Variants in NCAM2 observed in about 807,000 individuals in gnomAD.
NCAM2 encodes N-CAM-2.
Under a neutral mutation model 98.1 loss-of-function variants are expected in NCAM2, and 30 were observed. The ratio of observed to expected loss-of-function variants is 0.31; its 90% confidence interval spans 0.23 to 0.41. The LOEUF (loss-of-function observed/expected upper bound fraction) is 0.41. Among genes scored for constraint, NCAM2 ranks in the 10% least tolerant of loss-of-function variants. The pLI, the probability that NCAM2 is intolerant of heterozygous loss-of-function variation, is 1.00. For missense variants in NCAM2, 867 were observed against 1,005.8 expected, an observed-to-expected ratio of 0.86 and a Z score of 1.87; for synonymous variants, 368 against 342.4, an observed-to-expected ratio of 1.07 and a Z score of -0.83.
intron 1 of NCAM2, among the ~76,000 whole-genome samples, chr21:21,000,375 T>A (rs765690758): frequency 3.9e-5 from 6 of 152,182 alleles, no homozygotes; most frequent in Non-Finnish European, 7.3e-5. Context: ...AAGAAAAATG[T>A]CTCAGTTGTG....
chr21:21,541,832 GCTCATA>G lies in NCAM2; in HGVS notation c.*3882_*3887del, dbSNP rs1278118711. Reference sequence around the variant, plus strand: ...TAAATCCCCCATGAAGTTTTTTCATGCTCATACTCATAATCATTATCACATAATGTG... The same window carrying G: ...TAAATCCCCCATGAAGTTTTTTCATGCTCATAATCATTATCACATAATGTG... On this transcript the variant is annotated 3_prime_UTR_variant, in exon 18 of 18. Coordinates refer to ENST00000400546, the MANE Select transcript of NCAM2 (RefSeq NM_004540.5). 1 of 151,608 alleles carries G rather than the reference GCTCATA, an allele frequency of 6.6e-6. No individual in the cohort carries two copies. Among genetic ancestry groups the G allele is most frequent in the Non-Finnish European group, 1.5e-5 (1 of 67,734 alleles). The allele number at this position is 151,608 out of a possible 1,614,324, so 9.4% of individuals were successfully genotyped here. A position where few individuals can be genotyped will look rare whatever the true frequency, so the allele number is the denominator to read the frequency against.
rs34541675 is a variant in NCAM2 at position 21,135,079 on chromosome 21, C to CAA, written c.55+136477_55+136478dup. Among the ~76,000 whole-genome samples the CAA allele has an allele frequency of 2.4e-3, 340 of 139,560 alleles. 2 individuals carry two copies. Among genetic ancestry groups the CAA allele is most frequent in the African/African-American group, 8.3e-3 (320 of 38,662 alleles). The allele number at this position is 139,560 out of a possible 152,430, so 91.6% of individuals were successfully genotyped here. On this transcript the variant is annotated intron_variant, in intron 1 of 17. Coordinates refer to ENST00000400546, the MANE Select transcript of NCAM2 (RefSeq NM_004540.5). Reference sequence around the variant, plus strand: ...TGAAACCCCGTCTCTACTAAAAATACAAAAAAAAAAAAAAAAATTAGCTGG... The same window carrying CAA: ...TGAAACCCCGTCTCTACTAAAAATACAAAAAAAAAAAAAAAAAAATTAGCTGG...
chr21:21,082,253 C>A (rs1239043521), intron 1 of NCAM2, among the ~76,000 whole-genome samples: 2 of 122,468 alleles, frequency 1.6e-5, no homozygotes, highest in Non-Finnish European at 1.6e-5. Flanking sequence ...AGAATTCTCT[C>A]ATGCTTTGTA....
intron 1 of NCAM2, among the ~76,000 whole-genome samples, chr21:21,168,620 G>A (rs2146828152): frequency 6.6e-6 from 1 of 152,152 alleles, no homozygotes; most frequent in South Asian, 2.1e-4. Context: ...AGATTATAAG[G>A]TTAATGTGTG....
intron 1 of NCAM2, among the ~76,000 whole-genome samples, chr21:21,192,526 T>G (rs1257155197): frequency 6.6e-6 from 1 of 152,070 alleles, no homozygotes; most frequent in African/African-American, 2.4e-5. Context: ...GATTTAGAAG[T>G]GAATCAGAGA....
intron 1 of NCAM2, among the ~76,000 whole-genome samples, chr21:21,246,558 T>C (rs1383982311): frequency 2.6e-5 from 4 of 152,050 alleles, no homozygotes; most frequent in African/African-American, 9.7e-5. Flanking sequence ...GTTGTTATTT[T>C]ATGTAAATTA....
chr21:21,284,934 A>G (rs939353247), intron 3 of NCAM2, among the ~76,000 whole-genome samples: 13 of 151,678 alleles, frequency 8.6e-5, no homozygotes, highest in African/African-American at 2.9e-4. Context: ...ATGTCCTGGG[A>G]TGGATTTCTT....
intron 1 of NCAM2, among the ~76,000 whole-genome samples, chr21:21,129,960 A>T (rs538812598): frequency 3.9e-5 from 6 of 152,298 alleles, no homozygotes; most frequent in Admixed American, 6.5e-5. Flanking sequence ...CTGGGATATT[A>T]CTTAAAGTAG....
chr21:21,316,626 C>T (rs545987664), intron 5 of NCAM2, among the ~76,000 whole-genome samples: 2 of 144,450 alleles, frequency 1.4e-5, no homozygotes, highest in South Asian at 4.5e-4. Flanking sequence ...ACCCTACAAC[C>T]TCTGCCTCCC....
chr21:21,100,305 C>T (rs1168912601), intron 1 of NCAM2, among the ~76,000 whole-genome samples: 1 of 151,836 alleles, frequency 6.6e-6, no homozygotes, highest in East Asian at 1.9e-4. Context: ...TTTACAAATT[C>T]CATTTACTGA....
At chr21:21,358,005 G>A (rs1030123052) in intron 8 of NCAM2, among the ~76,000 whole-genome samples, 5 of 152,040 alleles carry the variant, frequency 3.3e-5, no homozygotes, top group African/African-American at 9.7e-5. Flanking sequence ...TTGTAATTAC[G>A]AAAACGCATA....
chr21:21,382,275 G>A (rs1362358377), intron 9 of NCAM2, among the ~76,000 whole-genome samples: 1 of 151,978 alleles, frequency 6.6e-6, no homozygotes, highest in African/African-American at 2.4e-5. Context: ...CACTATTTCT[G>A]CAATTTTTTT....
chr21:21,451,308 A>G (rs1602380467), intron 12 of NCAM2, among the ~76,000 whole-genome samples: 3 of 152,312 alleles, frequency 2.0e-5, no homozygotes, highest in East Asian at 1.9e-4. Flanking sequence ...GTCAAATCAA[A>G]TTAAACCATC....
chr21:21,350,924 A>G (rs911671458), intron 8 of NCAM2, among the ~76,000 whole-genome samples: 12 of 106,364 alleles, frequency 1.1e-4, no homozygotes, highest in Non-Finnish European at 2.0e-4. Flanking sequence ...CGTCTCTAGT[A>G]AAAATACAAA....
intron 1 of NCAM2, among the ~76,000 whole-genome samples, chr21:21,059,389 A>G (rs1333461565): frequency 6.6e-6 from 1 of 152,128 alleles, no homozygotes; most frequent in African/African-American, 2.4e-5. Flanking sequence ...AGAACTTCAG[A>G]TAATGCAACT....
intron 10 of NCAM2, among the ~76,000 whole-genome samples, chr21:21,413,339 GAAAT>G (rs1337909209): frequency 6.6e-6 from 1 of 152,070 alleles, no homozygotes; most frequent in African/African-American, 2.4e-5. Context: ...ATACATAGAA[GAAAT>G]AAATATTTTT....
At chr21:21,134,203 G>C (rs769133536) in intron 1 of NCAM2, among the ~76,000 whole-genome samples, 1 of 151,910 alleles carries the variant, frequency 6.6e-6, no homozygotes, top group African/African-American at 2.4e-5. Flanking sequence ...TGAGTAGCTG[G>C]GATTACAAGT....
intron 1 of NCAM2, among the ~76,000 whole-genome samples, chr21:21,054,630 A>G (rs1271180167): frequency 1.3e-5 from 2 of 152,054 alleles, no homozygotes; most frequent in Non-Finnish European, 2.9e-5. Flanking sequence ...ATTGATTCCA[A>G]AAGATGTGAT....
intron 5 of NCAM2, among the ~76,000 whole-genome samples, chr21:21,298,052 A>G (rs1043326101): frequency 6.6e-6 from 1 of 151,734 alleles, no homozygotes; most frequent in African/African-American, 2.4e-5. Context: ...GAGTGTCTGA[A>G]TGTATAGTGC....
Sources: allele counts gnomAD v4.1 joint callset (sites outside exome capture counted in the v4.1 genomes callset), GRCh38; gene constraint gnomAD v4.1.1; transcripts MANE v1.5; gene names NCBI Gene and HGNC (gene_info 2026-07-23, HGNC 2026-07-21).